The following VOPP1 variants were observed in gnomAD, a reference collection of about 807,000 sequenced individuals.
The protein encoded by VOPP1 is WW domain binding protein VOPP1.
A neutral mutation model predicts 23.5 loss-of-function variants in VOPP1; 8 were observed. That is an observed-to-expected ratio of 0.34 (90% CI 0.20 to 0.61). The LOEUF (loss-of-function observed/expected upper bound fraction) is 0.61, where lower values mean the gene tolerates loss of function less well. Ranked by LOEUF, VOPP1 falls within the 20% of genes least tolerant of loss-of-function variation. The pLI is 0.78. For missense variants in VOPP1, 174 were observed against 238.1 expected (o/e 0.73, Z 1.77); for synonymous variants, 83 against 97.3 (o/e 0.85, Z 0.86).
chr7:55,508,063 A>G (rs1264012306), intron 2 of VOPP1, among the ~76,000 whole-genome samples: 1 of 152,226 alleles, frequency 6.6e-6, no homozygotes, highest in Non-Finnish European at 1.5e-5. Flanking sequence ...TATTTCTACC[A>G]TGGGAGAAAG....
chr7:55,464,132 G>GT (rs201602054), intron 4 of VOPP1, among the ~76,000 whole-genome samples: 1,829 of 152,338 alleles, frequency 0.012, 13 homozygotes, highest in Admixed American at 0.021. Context: ...CTGGGTACCA[G>GT]CAGCAGTGGC....
intron 1 of VOPP1, chr7:55,521,519 AT>A (rs1795854059): frequency 2.0e-6 from 2 of 1,020,232 alleles, no homozygotes; most frequent in Non-Finnish European, 2.3e-6. Flanking sequence ...GACATCTCCA[AT>A]AGATTTAGCA....
At chr7:55,551,932 T>C (rs1015048637) in intron 1 of VOPP1, among the ~76,000 whole-genome samples, 9 of 144,256 alleles carry the variant, frequency 6.2e-5, no homozygotes, top group African/African-American at 2.4e-4. Flanking sequence ...TGCAGCTACT[T>C]GGGGGTCTGA....
At chr7:55,499,132 G>T (rs1794186518) in intron 2 of VOPP1, among the ~76,000 whole-genome samples, 1 of 152,088 alleles carries the variant, frequency 6.6e-6, no homozygotes, top group East Asian at 1.9e-4. Flanking sequence ...CTCCCACTGA[G>T]AGTTACCTAA....
chr7:55,453,442 C>A (rs1791290998), intron 4 of VOPP1, among the ~76,000 whole-genome samples: 1 of 152,192 alleles, frequency 6.6e-6, no homozygotes, highest in Admixed American at 6.5e-5. Flanking sequence ...AAATGAGTGA[C>A]ATACAACTCT....
intron 2 of VOPP1, among the ~76,000 whole-genome samples, chr7:55,513,236 C>T (rs1304878178): frequency 6.6e-6 from 1 of 152,136 alleles, no homozygotes; most frequent in Non-Finnish European, 1.5e-5. Flanking sequence ...TCGCTAACTT[C>T]CCATCATCCC....
intron 4 of VOPP1, among the ~76,000 whole-genome samples, chr7:55,475,338 G>A (rs1310478749): frequency 6.6e-6 from 1 of 152,184 alleles, no homozygotes. Flanking sequence ...GCCCTGAAAA[G>A]CACAGCAAGG....
intron 1 of VOPP1, among the ~76,000 whole-genome samples, chr7:55,528,577 C>CG (rs1562958881): frequency 6.6e-6 from 1 of 151,698 alleles, no homozygotes; most frequent in African/African-American, 2.4e-5. Context: ...CCCAGCTACT[C>CG]GGGAGGCTGA....
chr7:55,483,419 T>A (rs1792888979), intron 4 of VOPP1, among the ~76,000 whole-genome samples: 1 of 151,998 alleles, frequency 6.6e-6, no homozygotes, highest in Admixed American at 6.6e-5. Context: ...GGAATCTGAG[T>A]CATGAAGGGT....
intron 4 of VOPP1, among the ~76,000 whole-genome samples, chr7:55,475,038 C>T (rs1792126607): frequency 6.6e-6 from 1 of 152,228 alleles, no homozygotes; most frequent in Non-Finnish European, 1.5e-5. Flanking sequence ...ACACAGGTCC[C>T]TGCTGCAGTA....
chr7:55,494,054 G>A (rs906169631), intron 3 of VOPP1, among the ~76,000 whole-genome samples: 4 of 152,130 alleles, frequency 2.6e-5, no homozygotes, highest in Admixed American at 6.5e-5. Flanking sequence ...TACTGGGGCC[G>A]GAGAAGGTGG....
chr7:55,487,599 A>G (rs1189128787), intron 4 of VOPP1, among the ~76,000 whole-genome samples: 2 of 152,202 alleles, frequency 1.3e-5, no homozygotes, highest in African/African-American at 4.8e-5. Context: ...CTGGGACTAC[A>G]GGTGTATGTC....
In VOPP1 at chr7:55,563,691, C is replaced by T. The variant is rs372130700; in HGVS notation, c.54+8580G>A. ...ACAATATTTTTAATAATTGTGTGCA[C>T]AAAACAATGTTTTGGCTGTGATCTG... On this transcript the variant is annotated intron_variant, in intron 1 of 4. Transcript: ENST00000285279. 3.3e-5 allele frequency among the ~76,000 whole-genome samples: 5 copies of T among 152,266 alleles called. No individual in the cohort carries two copies. In the East Asian group the frequency reaches 7.7e-4, roughly 23 times the overall value.
chr7:55,479,671 ATT>A (rs1562904222), intron 4 of VOPP1, among the ~76,000 whole-genome samples: 1 of 152,208 alleles, frequency 6.6e-6, no homozygotes, highest in Non-Finnish European at 1.5e-5. Context: ...AAGCAATCCA[ATT>A]TTCATGGGAA....
At chr7:55,536,790 C>G (rs1284594848) in intron 1 of VOPP1, among the ~76,000 whole-genome samples, 1 of 152,194 alleles carries the variant, frequency 6.6e-6, no homozygotes, top group East Asian at 1.9e-4. Context: ...GATCCTGGCT[C>G]AGGCAGCGCA....
chr7:55,473,562 T>C (rs574747006), intron 4 of VOPP1, among the ~76,000 whole-genome samples: 1 of 152,268 alleles, frequency 6.6e-6, no homozygotes, highest in Admixed American at 6.5e-5. Flanking sequence ...TGACGCTCCA[T>C]GGGTCAGGAG....
chr7:55,491,058 T>C (rs899914228), intron 4 of VOPP1, among the ~76,000 whole-genome samples: 5 of 152,234 alleles, frequency 3.3e-5, no homozygotes, highest in Non-Finnish European at 7.3e-5. Flanking sequence ...AACCACTTTA[T>C]TGAGGTCTGA....
At chr7:55,507,413 G>C (rs1002423634) in intron 2 of VOPP1, among the ~76,000 whole-genome samples, 5 of 151,972 alleles carry the variant, frequency 3.3e-5, no homozygotes, top group African/African-American at 1.2e-4. Flanking sequence ...TTCTGAGCAG[G>C]TATATTTTTT....
At chr7:55,474,509 T>G (rs1401769323) in intron 4 of VOPP1, among the ~76,000 whole-genome samples, 1 of 152,174 alleles carries the variant, frequency 6.6e-6, no homozygotes, top group African/African-American at 2.4e-5. Context: ...ATTGACTCGA[T>G]GGGGAGCGCA....
Sources: allele counts gnomAD v4.1 joint callset (sites outside exome capture counted in the v4.1 genomes callset), GRCh38; gene constraint gnomAD v4.1.1; transcripts MANE v1.5; gene names NCBI Gene and HGNC (gene_info 2026-07-23, HGNC 2026-07-21).